Variants in COL4A2 observed in about 807,000 individuals in gnomAD.
The protein encoded by COL4A2 is collagen type IV alpha 2 chain.
COL4A2 carries 99 observed loss-of-function variants against 200.2 expected under a neutral mutation model. The ratio of observed to expected loss-of-function variants is 0.49; its 90% CI spans 0.42 to 0.58. COL4A2 has a LOEUF of 0.58. Ranked by LOEUF, COL4A2 falls within the 20% of genes least tolerant of loss-of-function variation. COL4A2 has a pLI of 0.00. For missense variants in COL4A2, 1,950 were observed against 2,314.1 expected, an observed-to-expected ratio of 0.84 and a Z score of 3.23; for synonymous variants, 897 against 900.6, an observed-to-expected ratio of 1.00 and a Z score of 0.07.
At chr13:110,357,636 G>T in intron 4 of COL4A2, 84 bp downstream of exon 4, 1 of 1,529,114 alleles carries the variant, frequency 6.5e-7, no homozygotes, top group Non-Finnish European at 8.8e-7. Flanking sequence ...TCTGGGACAC[G>T]TGTGGCTGGG....
intron 19 of COL4A2, 22 bp from the exon 20 acceptor site, chr13:110,450,283 G>A: frequency 6.2e-7 from 1 of 1,609,990 alleles, no homozygotes; most frequent in Non-Finnish European, 8.5e-7. Flanking sequence ...TCACGCTGCA[G>A]GTGAATGCTG....
At chr13:110,352,899 C>T (rs544043471) in intron 3 of COL4A2, among the ~76,000 whole-genome samples, 1 of 152,276 alleles carries the variant, frequency 6.6e-6, no homozygotes, top group African/African-American at 2.4e-5. Context: ...TGAACGGCTA[C>T]AGCACGCCCC....
intron 4 of COL4A2, among the ~76,000 whole-genome samples, chr13:110,399,014 G>T (rs1458218334): frequency 6.6e-6 from 1 of 151,980 alleles, no homozygotes; most frequent in African/African-American, 2.4e-5. Flanking sequence ...TTTTTTATTG[G>T]CAGGAAAACT....
In COL4A2 at chr13:110,482,532, T is replaced by C; in HGVS notation, c.2775T>C (p.Pro925=). The stretch of plus-strand genomic sequence containing the variant: ...CCTCTGAAGGAGATAGAGGCTCACC[T>C]GGGATGGATGGTTTCCAAGGCATGC... ...TPGLKGDRGS[P]GMDGFQGMPG... The change falls in exon 32 of 48, where the codon CCT becomes CCC. Residue 925 remains proline, a synonymous_variant. Transcript: ENST00000360467. 2 of 1,614,206 alleles carry C rather than the reference T, an allele frequency of 1.2e-6. No individual in the cohort carries two copies. The highest frequency in any genetic ancestry group is 1.7e-6 in the Non-Finnish European group (2 of 1,180,026).
chr13:110,445,248 A>G (rs929288972), intron 16 of COL4A2, among the ~76,000 whole-genome samples: 1 of 152,184 alleles, frequency 6.6e-6, no homozygotes, highest in African/African-American at 2.4e-5. Flanking sequence ...ACCCTGGGAG[A>G]GAGTTTCAAC....
intron 4 of COL4A2, among the ~76,000 whole-genome samples, chr13:110,361,723 G>A (rs1469115977): frequency 6.6e-6 from 1 of 152,330 alleles, no homozygotes; most frequent in Admixed American, 6.5e-5. Flanking sequence ...CCAGCAGGGA[G>A]AGAATTGCTT....
chr13:110,392,452 C>T (rs77851462), intron 4 of COL4A2, among the ~76,000 whole-genome samples: 1 of 152,078 alleles, frequency 6.6e-6, no homozygotes. Context: ...CTGGGACCCT[C>T]GAGGGCAGTG....
chr13:110,424,931 A>G, intron 5 of COL4A2, 22 bp from the exon 6 acceptor site: 1 of 1,614,192 alleles, frequency 6.2e-7, no homozygotes, highest in Non-Finnish European at 8.5e-7. Flanking sequence ...GCCTTGGTTA[A>G]TTGCATTTGC....
chr13:110,412,071 G>A (rs1879865055), intron 4 of COL4A2, among the ~76,000 whole-genome samples: 1 of 152,180 alleles, frequency 6.6e-6, no homozygotes, highest in Admixed American at 6.5e-5. Flanking sequence ...ACACTCTCTT[G>A]TGGACCCTCT....
chr13:110,462,081 G>C (rs1882047985), intron 22 of COL4A2, 33 bp from the exon 23 acceptor site: 1 of 1,613,392 alleles, frequency 6.2e-7, no homozygotes. Flanking sequence ...ACAGTACAAA[G>C]AAGGAAGATA....
At chr13:110,468,181 G>A (rs780391637) in intron 27 of COL4A2, 7 of 471,292 alleles carry the variant, frequency 1.5e-5, no homozygotes, top group Non-Finnish European at 2.6e-5. Flanking sequence ...TCTTCGGAGT[G>A]CACCGTGATC....
At position 110,485,726 on chromosome 13, in the gene COL4A2, A is replaced by C. The variant is rs777334614; in HGVS notation, c.3097A>C (p.Lys1033Gln). ...PGLPGRPGHI[K>Q]GVKGDIGVPG... Reference sequence around the variant, plus strand: ...GCTGCCTGGGAGGCCCGGCCACATCAAAGGAGTCAAGGGAGACATCGGAGT... The same window carrying C: ...GCTGCCTGGGAGGCCCGGCCACATCCAAGGAGTCAAGGGAGACATCGGAGT... Residue 1033 changes from lysine (K) to glutamine (Q), a missense_variant, in exon 34 of 48, where the codon AAA becomes CAA. Lys to Gln is a moderately conservative substitution (Grantham distance 53, BLOSUM62 1). This residue lies in a region of COL4A2 where 1,385 missense variants were observed against 1,720.5 expected (regional missense o/e 0.80). Coordinates refer to ENST00000360467, the MANE Select transcript of COL4A2 (RefSeq NM_001846.4). 1 of 1,613,572 alleles carries C rather than the reference A, an allele frequency of 6.2e-7. No homozygotes were observed. Among genetic ancestry groups the C allele is most frequent in the Non-Finnish European group, 8.5e-7 (1 of 1,179,888 alleles).
chr13:110,477,668 AT>A (rs1053940772), intron 29 of COL4A2, among the ~76,000 whole-genome samples: 2 of 152,218 alleles, frequency 1.3e-5, no homozygotes, highest in African/African-American at 4.8e-5. Flanking sequence ...TGCAAAGACT[AT>A]TTTTAAATGT....
chr13:110,472,308 G>A (rs1882507104), intron 28 of COL4A2, among the ~76,000 whole-genome samples: 3 of 151,992 alleles, frequency 2.0e-5, no homozygotes, highest in Admixed American at 2.0e-4. Context: ...GTAGAGACGA[G>A]GTTTCACCGT....
At chr13:110,478,500 G>T (rs767766687) in intron 30 of COL4A2, among the ~76,000 whole-genome samples, 2 of 152,244 alleles carry the variant, frequency 1.3e-5, no homozygotes, top group African/African-American at 2.4e-5. Flanking sequence ...GTGTGGGTTG[G>T]AAAGGCAGGT....
chr13:110,308,301 C>T (rs1178353595), intron 3 of COL4A2, among the ~76,000 whole-genome samples, 178 bp downstream of exon 3: 2 of 152,208 alleles, frequency 1.3e-5, no homozygotes, highest in Non-Finnish European at 2.9e-5. Flanking sequence ...TGCTTTCCAC[C>T]TTTCCTTCCC....
chr13:110,465,277 C>A, intron 24 of COL4A2, 128 bp from the exon 25 acceptor site: 1 of 1,226,424 alleles, frequency 8.2e-7, no homozygotes, highest in Non-Finnish European at 1.1e-6. Flanking sequence ...GGTTCCTGTT[C>A]ATCTCTGTTG....
In COL4A2 at chr13:110,408,742, C is replaced by T. The variant is rs561893143; in HGVS notation, c.181-15992C>T. Among the ~76,000 whole-genome samples the T allele has an allele frequency of 6.0e-4, 91 of 152,242 alleles. 1 individual carries two copies. Among genetic ancestry groups the T allele is most frequent in the African/African-American group, 2.1e-3 (89 of 41,534 alleles). On this transcript the variant is annotated intron_variant, in intron 4 of 47. Transcript: ENST00000360467. ...CAGCACATTCACAGTGAGACAAACA[C>T]AGGTCATAATGAGAGCAGAAGACCA...
At chr13:110,497,221 C>T (rs1883487943) in intron 40 of COL4A2, among the ~76,000 whole-genome samples, 1 of 151,808 alleles carries the variant, frequency 6.6e-6, no homozygotes, top group African/African-American at 2.4e-5. Context: ...ACCAGCACAA[C>T]GTCACTCAGG....
Sources: allele counts gnomAD v4.1 joint callset (sites outside exome capture counted in the v4.1 genomes callset), GRCh38; gene constraint gnomAD v4.1.1; regional missense constraint gnomAD v4.1.1; transcripts MANE v1.5; gene names NCBI Gene and HGNC (gene_info 2026-07-23, HGNC 2026-07-21).